Variants in SPATA13 observed in about 807,000 individuals in gnomAD.
SPATA13 encodes spermatogenesis-associated protein 13.
SPATA13 carries 50 observed loss-of-function variants against 104.0 expected under a neutral mutation model. The observed-to-expected ratio is 0.48, with a 90% confidence interval of 0.38 to 0.61. The LOEUF (loss-of-function observed/expected upper bound fraction) is 0.61. Among genes scored for constraint, SPATA13 ranks in the 20% least tolerant of loss-of-function variants. The pLI is 0.00. For synonymous variants in SPATA13, 606 were observed against 667.5 expected, an observed-to-expected ratio of 0.91 and a Z score of 1.42; for missense variants, 1,524 against 1,690.6, an observed-to-expected ratio of 0.90 and a Z score of 1.73.
At chr13:24,255,575 C>T (rs1158662950) in intron 4 of SPATA13, among the ~76,000 whole-genome samples, 1 of 152,202 alleles carries the variant, frequency 6.6e-6, no homozygotes, top group Admixed American at 6.5e-5. Flanking sequence ...GATGTCCCAC[C>T]CCCATGGAGG....
chr13:24,016,636 T>C (rs1246692724), intron 2 of SPATA13, among the ~76,000 whole-genome samples: 2 of 152,102 alleles, frequency 1.3e-5, no homozygotes, highest in African/African-American at 4.8e-5. Flanking sequence ...GCTGTGGGGG[T>C]ACCTCCCCGC....
chr13:24,218,418 G>A (rs1329931637), intron 1 of SPATA13, among the ~76,000 whole-genome samples: 1 of 152,140 alleles, frequency 6.6e-6, no homozygotes, highest in African/African-American at 2.4e-5. Flanking sequence ...CTGCTGGGCT[G>A]TCACTACAGC....
chr13:24,000,524 G>C (rs1875907851), intron 2 of SPATA13, among the ~76,000 whole-genome samples: 1 of 152,136 alleles, frequency 6.6e-6, no homozygotes, highest in East Asian at 1.9e-4. Flanking sequence ...GCCTTCTAGG[G>C]GGAAGACAGG....
At chr13:24,255,572 C>T (rs1283337621) in intron 4 of SPATA13, among the ~76,000 whole-genome samples, 1 of 152,192 alleles carries the variant, frequency 6.6e-6, no homozygotes, top group Non-Finnish European at 1.5e-5. Context: ...ACAGATGTCC[C>T]ACCCCCATGG....
rs1256448816 is a variant in SPATA13 at position 24,174,713 on chromosome 13, A to G, written c.-112+13781A>G. Among the ~76,000 whole-genome samples, 4 of 152,136 alleles carry G rather than the reference A, an allele frequency of 2.6e-5. No homozygotes were observed. In the South Asian group the frequency reaches 8.3e-4, roughly 31 times the overall value. ...TGCCTCAGTCTCCCAAGTAGCTGGG[A>G]CTACAGGTGTGTGTCACCACGCCTG... On this transcript the variant is annotated intron_variant, in intron 1 of 12. Coordinates refer to ENST00000382108, the MANE Select transcript of SPATA13 (RefSeq NM_001166271.3).
chr13:24,080,442 A>C (rs775328928), intron 3 of SPATA13, among the ~76,000 whole-genome samples: 2 of 152,192 alleles, frequency 1.3e-5, no homozygotes, highest in Non-Finnish European at 2.9e-5. Context: ...ATGCATCATC[A>C]CTCAAAATGA....
At chr13:24,027,169 C>T (rs557932038) in intron 3 of SPATA13, among the ~76,000 whole-genome samples, 7 of 131,136 alleles carry the variant, frequency 5.3e-5, no homozygotes, top group South Asian at 2.5e-4. Context: ...GAGTCTAGCT[C>T]GGTCGTCCAG....
intron 3 of SPATA13, among the ~76,000 whole-genome samples, chr13:24,143,933 A>T (rs187700490): frequency 4.0e-5 from 6 of 151,666 alleles, no homozygotes; most frequent in Non-Finnish European, 8.8e-5. Context: ...CACCTATCTC[A>T]TGTGGTTGCC....
chr13:24,218,785 C>A (rs1871403912), intron 1 of SPATA13, among the ~76,000 whole-genome samples: 1 of 150,484 alleles, frequency 6.6e-6, no homozygotes, highest in Admixed American at 6.6e-5. Context: ...CAAGACAATT[C>A]TTTCAATGTG....
chr13:24,191,524 T>TG (rs1362500065), intron 1 of SPATA13, among the ~76,000 whole-genome samples: 2 of 134,242 alleles, frequency 1.5e-5, no homozygotes, highest in Non-Finnish European at 3.1e-5. Context: ...TTTTTTTTTT[T>TG]TTTGAGATGG....
intron 3 of SPATA13, among the ~76,000 whole-genome samples, chr13:24,151,604 GT>G (rs1459959394): frequency 1.3e-5 from 2 of 151,960 alleles, no homozygotes; most frequent in East Asian, 1.9e-4. Context: ...CATTACTGGA[GT>G]TTTTTTTCCT....
chr13:24,282,896 A>T (rs377041784), intron 4 of SPATA13, among the ~76,000 whole-genome samples: 1 of 152,098 alleles, frequency 6.6e-6, no homozygotes, highest in African/African-American at 2.4e-5. Flanking sequence ...TTCAGACGAG[A>T]CTCTGTGACC....
At chr13:24,037,690 G>A (rs1391716385) in intron 3 of SPATA13, among the ~76,000 whole-genome samples, 2 of 152,008 alleles carry the variant, frequency 1.3e-5, no homozygotes, top group East Asian at 1.9e-4. Context: ...TTACAGGCAT[G>A]AGCCACCGTG....
rs754626684 is a variant in SPATA13, at chr13:24,290,838, C to T, written c.3034C>T (p.Pro1012Ser). 6.2e-7 allele frequency: 1 copy of T among 1,614,134 alleles called. No individual in the cohort carries two copies. Among genetic ancestry groups the T allele is most frequent in the South Asian group, 1.1e-5 (1 of 91,074 alleles). ...LTPVQKICKY[P>S]LQLAELLKYT... ...ACCAGTGCAGAAGATCTGCAAATAC[C>T]CGCTGCAGCTGGCCGAGCTGCTCAA... Residue 1012 changes from proline (P) to serine (S), a missense_variant, in exon 9 of 13, where the codon CCG (proline) becomes TCG (serine). By Grantham distance (74) the Pro-to-Ser change is moderately conservative. Coordinates refer to ENST00000382108, the MANE Select transcript of SPATA13 (RefSeq NM_001166271.3).
chr13:24,224,790 A>G, intron 2 of SPATA13: 1 of 648,388 alleles, frequency 1.5e-6, no homozygotes. Context: ...TAAATTGACA[A>G]TGTACGAGAT....
At chr13:24,260,133 C>T (rs1025225779) in intron 4 of SPATA13, among the ~76,000 whole-genome samples, 7 of 152,184 alleles carry the variant, frequency 4.6e-5, no homozygotes, top group African/African-American at 1.2e-4. Context: ...ACTGCACTCA[C>T]GCTGAGTAGA....
intron 1 of SPATA13, among the ~76,000 whole-genome samples, chr13:24,198,715 G>A (rs1870229473): frequency 6.6e-6 from 1 of 152,292 alleles, no homozygotes; most frequent in East Asian, 1.9e-4. Context: ...TTTCTGCCAA[G>A]TCTGGGTCGT....
intron 4 of SPATA13, among the ~76,000 whole-genome samples, chr13:24,255,038 G>A (rs1353147941): frequency 6.6e-6 from 1 of 152,110 alleles, no homozygotes; most frequent in Non-Finnish European, 1.5e-5. Flanking sequence ...AGCCCATCTT[G>A]TTCTTTCCAC....
At chr13:24,120,030 C>G (rs997279631) in intron 3 of SPATA13, among the ~76,000 whole-genome samples, 9 of 152,146 alleles carry the variant, frequency 5.9e-5, no homozygotes, top group Non-Finnish European at 1.5e-5. Flanking sequence ...GAAACAATCA[C>G]CAAATGGCCG....
Sources: gnomAD v4.1 joint callset for allele counts (sites outside exome capture counted in the v4.1 genomes callset) on GRCh38, gnomAD v4.1.1 for gene constraint, MANE v1.5 for transcripts, NCBI Gene and HGNC (gene_info 2026-07-23, HGNC 2026-07-21) for gene names.